The following GSG1L2 variants were observed in gnomAD, a reference collection of about 807,000 sequenced individuals.
GSG1L2 encodes the protein GSG1 like 2, also known as germ cell-specific gene 1-like protein 2.
Under a neutral mutation model 9.0 loss-of-function variants are expected in GSG1L2, and 15 were observed. The ratio of observed to expected loss-of-function variants is 1.67; its 90% CI spans 1.12 to 2.57. The LOEUF (loss-of-function observed/expected upper bound fraction) is 2.57, where lower values mean the gene tolerates loss of function less well. Ranked by LOEUF, GSG1L2 falls within the 30% of genes most tolerant of loss-of-function variation. The pLI, the probability that GSG1L2 is intolerant of heterozygous loss-of-function variation, is 0.00. For missense variants in GSG1L2, 286 were observed against 150.3 expected (o/e 1.90, Z -4.72); for synonymous variants, 127 against 57.9 (o/e 2.19, Z -5.41).
At chr17:9,818,784 A>T (rs34467148) in intron 1 of GSG1L2, among the ~76,000 whole-genome samples, 84,624 of 151,468 alleles carry the variant, frequency 0.56, 25,297 homozygotes, top group East Asian at 0.99. Flanking sequence ...CCTCTAACAA[A>T]GGCGGATGAC....
At chr17:9,815,571 G>T (rs565758331) in intron 1 of GSG1L2, among the ~76,000 whole-genome samples, 1 of 152,310 alleles carries the variant, frequency 6.6e-6, no homozygotes, top group African/African-American at 2.4e-5. Flanking sequence ...CAGAGATTTT[G>T]ATGTGCTAAT....
At chr17:9,810,334 G>A in intron 2 of GSG1L2, 1 of 574,190 alleles carries the variant, frequency 1.7e-6, no homozygotes. Context: ...ATGGAACACG[G>A]CCAGTGCTGC....
intron 1 of GSG1L2, among the ~76,000 whole-genome samples, chr17:9,817,293 C>T (rs993306890): frequency 2.0e-5 from 3 of 152,180 alleles, no homozygotes; most frequent in African/African-American, 7.2e-5. Flanking sequence ...TTCCTGCCAG[C>T]TGCCTGGTTA....
intron 1 of GSG1L2, among the ~76,000 whole-genome samples, chr17:9,813,713 C>A (rs570515749): frequency 1.3e-5 from 2 of 152,306 alleles, no homozygotes; most frequent in East Asian, 1.9e-4. Flanking sequence ...CCCAACCATA[C>A]CCTGGCGAGT....
chr17:9,807,995 C>CTTAA, intron 3 of GSG1L2: 1 of 167,040 alleles, frequency 6.0e-6, no homozygotes, highest in African/African-American at 2.4e-5. Flanking sequence ...GGTTTGAGAC[C>CTTAA]ACTCTGGGGG....
chr17:9,803,961 G>T (rs1253471199), intron 4 of GSG1L2: 1 of 152,268 alleles, frequency 6.6e-6, no homozygotes, highest in Non-Finnish European at 1.5e-5. Flanking sequence ...CAAGGTTCTG[G>T]TTTGGGCCTG....
chr17:9,814,439 C>T (rs1223127833), intron 1 of GSG1L2, among the ~76,000 whole-genome samples: 2 of 152,096 alleles, frequency 1.3e-5, no homozygotes, highest in Non-Finnish European at 2.9e-5. Context: ...AACTTGTCTT[C>T]TAAAGAGAAC....
chr17:9,816,906 G>GTA (rs1491010288), intron 1 of GSG1L2, among the ~76,000 whole-genome samples: 1 of 85,670 alleles, frequency 1.2e-5, no homozygotes, highest in Non-Finnish European at 2.1e-5. Context: ...CTGTGTGTGT[G>GTA]TATCTGTGTG....
rs2066497080 is a variant in GSG1L2 at position 9,801,599 on chromosome 17, T to C, written c.*787A>G. ...GGTAGCTGGACATGGGATGAATTGA[T>C]ACAATATTGCAGATGACTGTATTAG... On this transcript the variant is annotated 3_prime_UTR_variant, in exon 5 of 5. Coordinates refer to ENST00000399363, the MANE Select transcript of GSG1L2 (RefSeq NM_001310219.2). Among the ~76,000 whole-genome samples, 1 of 152,186 alleles carries C rather than the reference T, an allele frequency of 6.6e-6. No individual in the cohort carries two copies.
At chr17:9,808,413 C>T (rs973739288) in intron 3 of GSG1L2, among the ~76,000 whole-genome samples, 43 of 152,100 alleles carry the variant, frequency 2.8e-4, no homozygotes, top group African/African-American at 1.0e-3. Flanking sequence ...TTAGTCATCG[C>T]CAAAGTGTCT....
At chr17:9,807,661 G>T in intron 3 of GSG1L2, 60 bp from the exon 4 acceptor site, 1 of 701,168 alleles carries the variant, frequency 1.4e-6, no homozygotes, top group South Asian at 1.5e-5. Context: ...AGAACTCTAC[G>T]CGGTGTGAGT....
At position 9,816,664 on chromosome 17, in the gene GSG1L2, CGTGTGTGTCTGTGTGTGT is replaced by C. The variant is rs1567711380; in HGVS notation, c.310+5080_310+5097del. Among the ~76,000 whole-genome samples, 12 of 132,234 alleles carry C rather than the reference CGTGTGTGTCTGTGTGTGT, an allele frequency of 9.1e-5. 2 individuals are homozygous for C. Among genetic ancestry groups the C allele is most frequent in the Admixed American group, 2.2e-4 (3 of 13,738 alleles). 86.8% of individuals were successfully genotyped at this position (132,234 alleles called of 152,430 possible). ...GCGTGTCTGTGTGTGTCTGTGTGTG[CGTGTGTGTCTGTGTGTGT>C]GTGTCTGTGTATGTGTGCATGCGTG... On this transcript the variant is annotated intron_variant, in intron 1 of 4. Coordinates refer to ENST00000399363, the MANE Select transcript of GSG1L2 (RefSeq NM_001310219.2).
Position 9,801,763 on chromosome 17 carries a change from A to C in GSG1L2, c.*623T>G, listed in dbSNP as rs188944426. 6.6e-6 allele frequency among the ~76,000 whole-genome samples: 1 copy of C among 152,376 alleles called. No homozygotes were observed. Among genetic ancestry groups the C allele is most frequent in the East Asian group, 1.9e-4 (1 of 5,194 alleles). On this transcript the variant is annotated 3_prime_UTR_variant, in exon 5 of 5. Transcript: ENST00000399363. ...TCCACTTAAACTAAGATAAGATGTC[A>C]TTCCATTTGACTGTGTTTTCATTTC...
chr17:9,812,313 A>G (rs2066542381), intron 1 of GSG1L2, among the ~76,000 whole-genome samples: 1 of 151,952 alleles, frequency 6.6e-6, no homozygotes, highest in Non-Finnish European at 1.5e-5. Context: ...TAATTTTCCT[A>G]TTCAAGAACT....
chr17:9,813,093 G>A (rs1352323545), intron 1 of GSG1L2, among the ~76,000 whole-genome samples: 1 of 152,162 alleles, frequency 6.6e-6, no homozygotes, highest in East Asian at 1.9e-4. Context: ...CTGGGGAGGG[G>A]ACACAAATAT....
At position 9,816,574 on chromosome 17, in the gene GSG1L2, C is replaced by CTGTGTCTGTG. The variant is rs139411396; in HGVS notation, c.310+5187_310+5188insCACAGACACA. Among the ~76,000 whole-genome samples the CTGTGTCTGTG allele has an allele frequency of 5.7e-3, 802 of 141,164 alleles. 7 individuals are homozygous for CTGTGTCTGTG. The highest frequency in any genetic ancestry group is 0.019 in the African/African-American group (719 of 37,050). 92.6% of individuals were successfully genotyped at this position (141,164 alleles called of 152,430 possible). A position where few individuals can be genotyped will look rare whatever the true frequency, so the allele number is the denominator to read the frequency against. ...TCTGTGTGTGCATGCATATCTGTGTCTGTGTGTGCACGTGCGTGTCTGTGT... is the reference window on the plus strand; with the variant it reads ...TCTGTGTGTGCATGCATATCTGTGTCTGTGTCTGTGTGTGTGTGCACGTGCGTGTCTGTGT... On this transcript the variant is annotated intron_variant, in intron 1 of 4. Transcript: ENST00000399363.
At position 9,802,527 on chromosome 17, in the gene GSG1L2, G is replaced by C; in HGVS notation, c.741C>G (p.His247Gln). Residue 247 changes from histidine (H) to glutamine (Q), a missense_variant, in exon 5 of 5, where the codon CAC becomes CAG. By Grantham distance (24) the His-to-Gln change is conservative (BLOSUM62 0). Transcript: ENST00000399363. The part of the protein sequence containing the change: ...EKQQAQNGSR[H>Q]SQHSFLEPEA... ...CGGGTTCCAGGAAGCTGTGTTGAGA[G>C]TGCCGACTGCCGTTCTGTGCCTGCT... 1.4e-6 allele frequency: 1 copy of C among 702,722 alleles called. No homozygotes were observed. Among genetic ancestry groups the C allele is most frequent in the South Asian group, 1.5e-5 (1 of 67,550 alleles). The allele number at this position is 702,722 out of a possible 1,614,324, so 43.5% of individuals were successfully genotyped here.
intron 4 of GSG1L2, among the ~76,000 whole-genome samples, chr17:9,803,345 C>T (rs935505015): frequency 4.6e-5 from 7 of 152,126 alleles, no homozygotes; most frequent in Non-Finnish European, 1.0e-4. Context: ...TCAGGTGATC[C>T]GCCCGCCTTG....
At chr17:9,809,192 T>C (rs1397554876) in intron 2 of GSG1L2, 17 of 541,058 alleles carry the variant, frequency 3.1e-5, no homozygotes, top group South Asian at 1.1e-4. Context: ...TGCCCGTAGC[T>C]GAACGGGCGG....
Sources: gnomAD v4.1 joint callset for allele counts (sites outside exome capture counted in the v4.1 genomes callset) on GRCh38, gnomAD v4.1.1 for gene constraint, MANE v1.5 for transcripts, NCBI Gene and HGNC (gene_info 2026-07-23, HGNC 2026-07-21) for gene names.